The following MECOM variants were observed in gnomAD, a reference collection of about 807,000 sequenced individuals.
MECOM encodes histone-lysine N-methyltransferase MECOM.
Under a neutral mutation model 116.3 loss-of-function variants are expected in MECOM, and 13 were observed. That is an observed-to-expected ratio of 0.11 (90% CI 0.07 to 0.18). The LOEUF (loss-of-function observed/expected upper bound fraction) is 0.18, where lower values mean the gene tolerates loss of function less well. Among genes scored for constraint, MECOM ranks in the 10% least tolerant of loss-of-function variants. The pLI, the probability that MECOM is intolerant of heterozygous loss-of-function variation, is 1.00. For missense variants in MECOM, 1,299 were observed against 1,509.0 expected (o/e 0.86, Z 2.31); for synonymous variants, 528 against 535.2 (o/e 0.99, Z 0.19).
chr3:169,549,343 C>T (rs1761097460), intron 1 of MECOM, among the ~76,000 whole-genome samples: 1 of 150,518 alleles, frequency 6.6e-6, no homozygotes, highest in South Asian at 2.1e-4. Flanking sequence ...GAAACTTGAA[C>T]GTGGTTGTTG....
chr3:169,088,776 T>C (rs1718675261), intron 16 of MECOM, among the ~76,000 whole-genome samples: 1 of 152,156 alleles, frequency 6.6e-6, no homozygotes. Context: ...GGGCTTGTCA[T>C]AAAATTTCTA....
chr3:169,368,039 C>T (rs191206318), intron 2 of MECOM, among the ~76,000 whole-genome samples: 3 of 152,088 alleles, frequency 2.0e-5, no homozygotes, highest in Admixed American at 6.6e-5. Context: ...CATCTTATAT[C>T]GAATATCAAC....
intron 2 of MECOM, among the ~76,000 whole-genome samples, chr3:169,260,142 T>C (rs1271177828): frequency 6.6e-6 from 1 of 152,310 alleles, no homozygotes; most frequent in East Asian, 1.9e-4. Context: ...TAGGTTCGTG[T>C]CCCTTTATTT....
chr3:169,481,541 A>G (rs1372342680), intron 1 of MECOM, among the ~76,000 whole-genome samples: 2 of 152,098 alleles, frequency 1.3e-5, no homozygotes, highest in Non-Finnish European at 2.9e-5. Flanking sequence ...TGACAGAGCA[A>G]GACTCTATCT....
chr3:169,242,587 C>G (rs1755018230), intron 2 of MECOM, among the ~76,000 whole-genome samples: 1 of 152,058 alleles, frequency 6.6e-6, no homozygotes. Flanking sequence ...TGCTACCCAC[C>G]GTGAGAGAGC....
chr3:169,517,977 G>A (rs567510515), intron 1 of MECOM, among the ~76,000 whole-genome samples: 2 of 152,318 alleles, frequency 1.3e-5, no homozygotes, highest in East Asian at 3.9e-4. Flanking sequence ...ACAGTTGACA[G>A]GGCCGGGCGC....
At chr3:169,517,113 A>G (rs1277501199) in intron 1 of MECOM, among the ~76,000 whole-genome samples, 2 of 151,944 alleles carry the variant, frequency 1.3e-5, no homozygotes, top group Non-Finnish European at 2.9e-5. Flanking sequence ...TGGATCATAC[A>G]ACAACAACAA....
At chr3:169,452,903 A>G (rs968895890) in intron 1 of MECOM, among the ~76,000 whole-genome samples, 5 of 152,242 alleles carry the variant, frequency 3.3e-5, no homozygotes, top group Non-Finnish European at 7.3e-5. Context: ...TGGCAGCTAC[A>G]TATTTTTCCA....
chr3:169,631,061 A>T (rs889876745), intron 1 of MECOM, among the ~76,000 whole-genome samples: 1 of 152,264 alleles, frequency 6.6e-6, no homozygotes, highest in African/African-American at 2.4e-5. Flanking sequence ...GGCTGCAGGC[A>T]GCTCTGCAGT....
intron 1 of MECOM, among the ~76,000 whole-genome samples, chr3:169,661,681 C>G (rs1018708352): frequency 8.5e-5 from 13 of 152,194 alleles, no homozygotes; most frequent in Non-Finnish European, 1.8e-4. Flanking sequence ...CCAATGCCCG[C>G]GAAGCCGAGC....
intron 1 of MECOM, among the ~76,000 whole-genome samples, chr3:169,585,462 T>G (rs1765673483): frequency 6.6e-6 from 1 of 152,224 alleles, no homozygotes; most frequent in Admixed American, 6.5e-5. Context: ...TTGGCTCATT[T>G]CCTTTATTAA....
intron 1 of MECOM, among the ~76,000 whole-genome samples, chr3:169,486,367 C>T (rs1471718453): frequency 2.0e-5 from 3 of 151,888 alleles, no homozygotes; most frequent in African/African-American, 7.3e-5. Flanking sequence ...AAATTTTCAA[C>T]TTAAGCATCA....
chr3:169,179,941 A>G (rs1430946589), intron 2 of MECOM, among the ~76,000 whole-genome samples: 1 of 152,202 alleles, frequency 6.6e-6, no homozygotes, highest in Non-Finnish European at 1.5e-5. Context: ...AGCTCAGCAT[A>G]AACCAAGCAG....
rs942301634 is a variant in MECOM, at chr3:169,427,193, T to C, written c.38-45669A>G. Among the ~76,000 whole-genome samples the C allele has an allele frequency of 1.2e-4, 17 of 140,844 alleles. 1 individual carries two copies. Among genetic ancestry groups the C allele is most frequent in the African/African-American group, 4.8e-4 (17 of 35,340 alleles). The allele number at this position is 140,844 out of a possible 152,430, so 92.4% of individuals were successfully genotyped here. A position where few individuals can be genotyped will look rare whatever the true frequency, so the allele number is the denominator to read the frequency against. ...TTTTTAGTATTTCCAATTCATTTTT[T>C]AGTAAAAATTATGATGTTTAAATGC... On this transcript the variant is annotated intron_variant, in intron 1 of 16. Transcript: ENST00000651503.
chr3:169,347,240 G>T (rs565865272), intron 2 of MECOM, among the ~76,000 whole-genome samples: 14 of 151,834 alleles, frequency 9.2e-5, no homozygotes, highest in Non-Finnish European at 1.8e-4. Context: ...TTCATGGGGG[G>T]GCAGTTAGTG....
Position 169,479,652 on chromosome 3 carries a change from TAAAAAAAAAAAA to T in MECOM, c.38-98140_38-98129del, listed in dbSNP as rs3042768. Among the ~76,000 whole-genome samples the T allele has an allele frequency of 6.3e-3, 796 of 126,692 alleles. 15 individuals carry two copies. The highest frequency in any genetic ancestry group is 0.022 in the African/African-American group (759 of 35,168). 83.1% of individuals were successfully genotyped at this position (126,692 alleles called of 152,430 possible). A position where few individuals can be genotyped will look rare whatever the true frequency, so the allele number is the denominator to read the frequency against. On this transcript the variant is annotated intron_variant, in intron 1 of 16. Coordinates refer to ENST00000651503, the MANE Select transcript of MECOM (RefSeq NM_004991.4). Reference sequence around the variant, plus strand: ...TCTCATTTTCAGATTTTCTCTTACCTAAAAAAAAAAAAAAAAAAAAAAAAATTTGCCTGATTC... The same window carrying T: ...TCTCATTTTCAGATTTTCTCTTACCTAAAAAAAAAAAAATTTGCCTGATTC...
chr3:169,249,574 A>G (rs998526269), intron 2 of MECOM, among the ~76,000 whole-genome samples: 1 of 152,186 alleles, frequency 6.6e-6, no homozygotes, highest in African/African-American at 2.4e-5. Flanking sequence ...TTTTTAAAAC[A>G]TTGATCCTTA....
chr3:169,416,406 G>T (rs963975772), intron 1 of MECOM, among the ~76,000 whole-genome samples: 12 of 152,124 alleles, frequency 7.9e-5, no homozygotes, highest in South Asian at 4.1e-4. Flanking sequence ...AGCACTAAAT[G>T]CCCACAGGAG....
In MECOM at chr3:169,371,891, A is replaced by G. The variant is rs1730204748; in HGVS notation, c.375+9296T>C. Among the ~76,000 whole-genome samples, 4 of 152,038 alleles carry G rather than the reference A, an allele frequency of 2.6e-5. No individual in the cohort carries two copies. In the South Asian group the frequency reaches 8.3e-4, roughly 31 times the overall value. ...TAGTTAACATAGATTGCCTGTTTCA[A>G]TATGTAAGGTGTCACTGTAGAATCT... On this transcript the variant is annotated intron_variant, in intron 2 of 16. Coordinates refer to ENST00000651503, the MANE Select transcript of MECOM (RefSeq NM_004991.4).
Sources: gnomAD v4.1 joint callset for allele counts (sites outside exome capture counted in the v4.1 genomes callset) on GRCh38, gnomAD v4.1.1 for gene constraint, MANE v1.5 for transcripts, NCBI Gene and HGNC (gene_info 2026-07-23, HGNC 2026-07-21) for gene names.